Variants in FAM117B observed in about 807,000 individuals in gnomAD.
The protein encoded by FAM117B is family with sequence similarity 117 member B.
FAM117B carries 22 observed loss-of-function variants against 52.8 expected under a neutral mutation model. That is an observed-to-expected ratio of 0.42 (90% confidence interval 0.30 to 0.59). FAM117B has a LOEUF of 0.59. Among genes scored for constraint, FAM117B ranks in the 20% least tolerant of loss-of-function variants. FAM117B has a pLI of 0.22. For synonymous variants in FAM117B, 309 were observed against 324.1 expected (o/e 0.95, Z 0.50); for missense variants, 678 against 802.6 (o/e 0.84, Z 1.88).
At chr2:202,666,172 T>C (rs1690202624) in intron 1 of FAM117B, among the ~76,000 whole-genome samples, 1 of 152,146 alleles carries the variant, frequency 6.6e-6, no homozygotes, top group South Asian at 2.1e-4. Context: ...ATAGAGACTT[T>C]GTTGAGAAAA....
chr2:202,693,753 ATTCT>A lies in FAM117B; in HGVS notation c.602-2125_602-2122del, dbSNP rs551997405. The stretch of plus-strand genomic sequence containing the variant: ...CAGGACGTGTGTATCTATGTGCTTA[ATTCT>A]TTGAATGGCCTATCATTACATTATG... On this transcript the variant is annotated intron_variant, in intron 1 of 7. Coordinates refer to ENST00000392238, the MANE Select transcript of FAM117B (RefSeq NM_173511.4). Among the ~76,000 whole-genome samples the A allele has an allele frequency of 3.9e-5, 6 of 152,240 alleles. No individual in the cohort carries two copies. In the South Asian group the frequency reaches 1.2e-3, roughly 32 times the overall value.
chr2:202,654,447 C>T (rs572637162), intron 1 of FAM117B, among the ~76,000 whole-genome samples: 55 of 152,132 alleles, frequency 3.6e-4, no homozygotes, highest in African/African-American at 1.3e-3. Context: ...TACTGATAGC[C>T]CACTATTGAG....
chr2:202,728,275 C>A lies in FAM117B; in HGVS notation c.960+1912C>A, dbSNP rs551300485. 2.6e-5 allele frequency among the ~76,000 whole-genome samples: 4 copies of A among 152,266 alleles called. No homozygotes were observed. The East Asian group carries it at 7.7e-4, about 29-fold the overall frequency. On this transcript the variant is annotated intron_variant, in intron 4 of 7. Transcript: ENST00000392238. ...AAGTGTTGGAATTACAGGCATGAGC[C>A]ACTATGTCCAGCCAAATTTATAGTT... is the stretch of plus-strand genomic sequence containing the variant.
intron 4 of FAM117B, among the ~76,000 whole-genome samples, chr2:202,737,624 C>G (rs1014594950): frequency 1.1e-4 from 17 of 151,328 alleles, no homozygotes; most frequent in African/African-American, 4.1e-4. Context: ...TTTTTTGAGA[C>G]AGAGTCTCGC....
Position 202,726,337 on chromosome 2 carries a change from A to G in FAM117B, c.934A>G (p.Asn312Asp). 6.2e-7 allele frequency: 1 copy of G among 1,613,770 alleles called. No homozygotes were observed. The highest frequency in any genetic ancestry group is 8.5e-7 in the Non-Finnish European group (1 of 1,179,870). The change falls in exon 4 of 8, where the codon AAC becomes GAC. Residue 312 changes from asparagine to aspartate, a missense_variant. Around this residue, in one of 3 missense-constraint regions of FAM117B, gnomAD observed 583 missense variants for 644.8 expected, o/e 0.90. Coordinates refer to ENST00000392238, the MANE Select transcript of FAM117B (RefSeq NM_173511.4). Reference sequence around the variant, plus strand: ...AGAAAGACAGTCTCCATTTCATGGCAACCATGCAGCTATTAACCAGTGTCA... The same window carrying G: ...AGAAAGACAGTCTCCATTTCATGGCGACCATGCAGCTATTAACCAGTGTCA... The part of the protein sequence containing the change: ...DKERQSPFHG[N>D]HAAINQCQAP...
intron 4 of FAM117B, among the ~76,000 whole-genome samples, chr2:202,735,925 C>G (rs979491289): frequency 6.6e-6 from 1 of 152,132 alleles, no homozygotes; most frequent in African/African-American, 2.4e-5. Context: ...CTAATGCTAT[C>G]CCTACCCCCG....
At chr2:202,738,918 G>A (rs1200562995) in intron 4 of FAM117B, among the ~76,000 whole-genome samples, 1 of 152,214 alleles carries the variant, frequency 6.6e-6, no homozygotes, top group African/African-American at 2.4e-5. Flanking sequence ...GCCAGGTGTG[G>A]TGGCTCACGC....
At chr2:202,742,956 G>A (rs1691572458) in intron 4 of FAM117B, among the ~76,000 whole-genome samples, 1 of 152,274 alleles carries the variant, frequency 6.6e-6, no homozygotes, top group African/African-American at 2.4e-5. Context: ...CCACCTCGGG[G>A]CCTGGAGACT....
intron 2 of FAM117B, among the ~76,000 whole-genome samples, chr2:202,710,114 T>C (rs1290818869): frequency 6.6e-6 from 1 of 152,234 alleles, no homozygotes; most frequent in Middle Eastern, 3.2e-3. Flanking sequence ...TCGTGGTCTT[T>C]TGTAGTTTCA....
chr2:202,688,245 T>C (rs187281970), intron 1 of FAM117B, among the ~76,000 whole-genome samples: 93 of 152,290 alleles, frequency 6.1e-4, no homozygotes, highest in African/African-American at 2.2e-3. Context: ...CAAAAAAATA[T>C]AGATAATAAA....
intron 1 of FAM117B, among the ~76,000 whole-genome samples, chr2:202,664,069 G>A (rs1270703252): frequency 6.6e-6 from 1 of 152,146 alleles, no homozygotes; most frequent in Non-Finnish European, 1.5e-5. Context: ...AGTGAATCTA[G>A]AAAACTATTT....
chr2:202,732,459 G>A (rs1422640667), intron 4 of FAM117B, among the ~76,000 whole-genome samples: 1 of 152,134 alleles, frequency 6.6e-6, no homozygotes, highest in African/African-American at 2.4e-5. Context: ...TCCATATGAT[G>A]GAATTTTATT....
chr2:202,662,968 G>A lies in FAM117B; in HGVS notation c.601+27180G>A, dbSNP rs531845502. 2.6e-5 allele frequency among the ~76,000 whole-genome samples: 4 copies of A among 152,276 alleles called. 1 individual carries two copies. In the South Asian group the frequency reaches 6.2e-4, roughly 24 times the overall value. ...ACACTCTTATCCTGTAAACATGTAC[G>A]ATTGTTAATTAGAAATAAAAAATTA... On this transcript the variant is annotated intron_variant, in intron 1 of 7. Transcript: ENST00000392238.
chr2:202,671,216 A>T (rs148639372), intron 1 of FAM117B, among the ~76,000 whole-genome samples: 2 of 152,374 alleles, frequency 1.3e-5, no homozygotes, highest in African/African-American at 4.8e-5. Context: ...GAAGACCCTG[A>T]GACAAGGATT....
At chr2:202,694,688 G>C (rs566347376) in intron 1 of FAM117B, among the ~76,000 whole-genome samples, 1 of 152,210 alleles carries the variant, frequency 6.6e-6, no homozygotes, top group South Asian at 2.1e-4. Flanking sequence ...GCTGGTGGTT[G>C]GTTCTTGGCA....
chr2:202,690,258 A>G (rs1690600736), intron 1 of FAM117B, among the ~76,000 whole-genome samples: 1 of 152,236 alleles, frequency 6.6e-6, no homozygotes, highest in South Asian at 2.1e-4. Flanking sequence ...TTAACCAAAA[A>G]GCATGTGAAT....
In FAM117B at chr2:202,699,459, A is replaced by G. The variant is rs1019990191; in HGVS notation, c.753+3427A>G. On this transcript the variant is annotated intron_variant, in intron 2 of 7. Coordinates refer to ENST00000392238, the MANE Select transcript of FAM117B (RefSeq NM_173511.4). ...AAAAAAAAAAAAAAAGAAAAAAAAA[A>G]AAAAAGAAAGAAAGAAAATGTATAA... Among the ~76,000 whole-genome samples, 3 of 150,534 alleles carry G rather than the reference A, an allele frequency of 2.0e-5. No individual in the cohort carries two copies. The East Asian group carries it at 5.8e-4, about 29-fold the overall frequency.
At chr2:202,666,897 G>A (rs1690213705) in intron 1 of FAM117B, among the ~76,000 whole-genome samples, 3 of 151,706 alleles carry the variant, frequency 2.0e-5, no homozygotes, top group South Asian at 2.1e-4. Flanking sequence ...CACCTGCCTC[G>A]GCCTCCCAAA....
intron 2 of FAM117B, among the ~76,000 whole-genome samples, chr2:202,713,829 C>T (rs1010933426): frequency 2.6e-5 from 4 of 152,176 alleles, no homozygotes; most frequent in African/African-American, 9.7e-5. Flanking sequence ...GCCTCAGCCT[C>T]CCAAGTAGCT....
Sources: gnomAD v4.1 joint callset for allele counts (sites outside exome capture counted in the v4.1 genomes callset) on GRCh38, gnomAD v4.1.1 for gene constraint, gnomAD v4.1.1 regional missense constraint, MANE v1.5 for transcripts, NCBI Gene and HGNC (gene_info 2026-07-23, HGNC 2026-07-21) for gene names.